CEP83: variants seen among roughly 807,000 people sequenced by gnomAD.
The protein encoded by CEP83 is centrosomal protein of 83 kDa.
In CEP83, 70 loss-of-function variants were observed where a neutral mutation model predicts 101.9. The ratio of observed to expected loss-of-function variants is 0.69; its 90% CI spans 0.57 to 0.84. The LOEUF is 0.84. CEP83 is among the 40% of genes least tolerant of loss of function. The pLI is 0.00. For missense variants in CEP83, 715 were observed against 787.2 expected (o/e 0.91, Z 1.10); for synonymous variants, 264 against 267.9 (o/e 0.99, Z 0.14).
chr12:94,426,813 C>T (rs555512823), intron 2 of CEP83, among the ~76,000 whole-genome samples: 26 of 152,086 alleles, frequency 1.7e-4, no homozygotes, highest in Admixed American at 3.3e-4. Context: ...GGCAATGTGA[C>T]CACGGAGACA....
the CEP83 span, among the ~76,000 whole-genome samples, chr12:94,280,796 C>A: frequency 2.6e-5 from 4 of 152,208 alleles, no homozygotes; most frequent in Admixed American, 6.5e-5. Context: ...CTTGGTCCTG[C>A]CGCTGATGAG....
the CEP83 span, chr12:94,278,083 C>T: frequency 2.4e-5 from 11 of 455,874 alleles, no homozygotes; most frequent in Middle Eastern, 3.3e-4. Flanking sequence ...TCTGTATGGG[C>T]GAGCATCTTC....
At chr12:94,352,695 A>G (rs1356005646) in intron 11 of CEP83, among the ~76,000 whole-genome samples, 1 of 152,136 alleles carries the variant, frequency 6.6e-6, no homozygotes, top group Non-Finnish European at 1.5e-5. Context: ...AATTCCATGA[A>G]CAAAATTAAA....
chr12:94,393,008 C>T (rs1180260955), intron 6 of CEP83, among the ~76,000 whole-genome samples: 4 of 152,072 alleles, frequency 2.6e-5, no homozygotes, highest in African/African-American at 9.7e-5. Context: ...AAAAAAAGTC[C>T]AGGACCAGAT....
At chr12:94,410,211 G>GA (rs1328882404) in intron 4 of CEP83, among the ~76,000 whole-genome samples, 1 of 152,068 alleles carries the variant, frequency 6.6e-6, no homozygotes, top group East Asian at 1.9e-4. Flanking sequence ...AAGACACACT[G>GA]AAAAAAAGTT....
At chr12:94,294,919 C>T in the CEP83 span, among the ~76,000 whole-genome samples, 59 of 152,276 alleles carry the variant, frequency 3.9e-4, no homozygotes, top group African/African-American at 1.3e-3. Context: ...CCGAAGCAAG[C>T]GCTGAACAAA....
chr12:94,305,100 C>A, downstream of CEP83: 1 of 790,094 alleles, frequency 1.3e-6, no homozygotes, highest in South Asian at 1.6e-5. Flanking sequence ...GATTTTACCA[C>A]TCACAGCATC....
At chr12:94,455,291 G>A (rs2067582148) in intron 1 of CEP83, among the ~76,000 whole-genome samples, 1 of 152,166 alleles carries the variant, frequency 6.6e-6, no homozygotes. Flanking sequence ...ACTTGAGAGA[G>A]GCTGAATATG....
At chr12:94,426,606 G>A (rs2065219323) in intron 2 of CEP83, among the ~76,000 whole-genome samples, 1 of 152,188 alleles carries the variant, frequency 6.6e-6, no homozygotes, top group South Asian at 2.1e-4. Flanking sequence ...ATAGTGGGCT[G>A]AATGCTAGCC....
At chr12:94,319,355 A>G (rs1555217485) in intron 14 of CEP83, among the ~76,000 whole-genome samples, 1 of 152,092 alleles carries the variant, frequency 6.6e-6, no homozygotes, top group Non-Finnish European at 1.5e-5. Context: ...CAACTCCCGT[A>G]TTAGTTAATC....
chr12:94,433,092 AGAG>A (rs1381224345), intron 2 of CEP83, among the ~76,000 whole-genome samples: 1 of 152,140 alleles, frequency 6.6e-6, no homozygotes, highest in Non-Finnish European at 1.5e-5. Context: ...AGGGCAGAGG[AGAG>A]GAGAACACCC....
chr12:94,417,784 T>A (rs528282545), intron 2 of CEP83, among the ~76,000 whole-genome samples: 1 of 150,762 alleles, frequency 6.6e-6, no homozygotes, highest in African/African-American at 2.4e-5. Flanking sequence ...GAAGACTCCA[T>A]CTCAAAAATA....
the CEP83 span, among the ~76,000 whole-genome samples, chr12:94,269,641 C>T: frequency 2.0e-5 from 3 of 152,234 alleles, no homozygotes; most frequent in African/African-American, 7.2e-5. Context: ...AATTACATTC[C>T]ATTGTTCATT....
At chr12:94,394,303 G>T (rs982050853) in intron 6 of CEP83, among the ~76,000 whole-genome samples, 1 of 152,026 alleles carries the variant, frequency 6.6e-6, no homozygotes, top group Admixed American at 6.6e-5. Context: ...CAGAACAGAG[G>T]CCTCAGAAAT....
intron 11 of CEP83, among the ~76,000 whole-genome samples, chr12:94,345,362 T>C (rs1161553116): frequency 6.6e-6 from 1 of 152,194 alleles, no homozygotes; most frequent in African/African-American, 2.4e-5. Context: ...TTGTCCACAT[T>C]TCCTAAGTGA....
intron 1 of CEP83, among the ~76,000 whole-genome samples, chr12:94,458,728 A>C (rs1336750717): frequency 6.6e-6 from 1 of 152,190 alleles, no homozygotes; most frequent in Non-Finnish European, 1.5e-5. Flanking sequence ...ACAGAGTGAG[A>C]CTCAGTCATA....
chr12:94,309,490 CT>C (rs1404661877), intron 16 of CEP83, among the ~76,000 whole-genome samples: 1 of 152,120 alleles, frequency 6.6e-6, no homozygotes, highest in Non-Finnish European at 1.5e-5. Flanking sequence ...AATCAGTTTC[CT>C]TATCTATGAA....
chr12:94,392,900 A>C (rs1234956762), intron 6 of CEP83, among the ~76,000 whole-genome samples: 4 of 152,116 alleles, frequency 2.6e-5, no homozygotes, highest in African/African-American at 4.8e-5. Context: ...TTCCTGGACA[A>C]ATACACCCTC....
At chr12:94,364,182 GT>G (rs1227542037) in intron 11 of CEP83, among the ~76,000 whole-genome samples, 1 of 152,084 alleles carries the variant, frequency 6.6e-6, no homozygotes, top group East Asian at 1.9e-4. Context: ...GAGATAGATG[GT>G]AATGATGGTT....
Sources: gnomAD v4.1 joint callset for allele counts (sites outside exome capture counted in the v4.1 genomes callset) on GRCh38, gnomAD v4.1.1 for gene constraint, MANE v1.5 for transcripts, NCBI Gene and HGNC (gene_info 2026-07-23, HGNC 2026-07-21) for gene names.